The following C2orf42 variants were observed in gnomAD, a reference collection of about 807,000 sequenced individuals.
C2orf42 encodes the protein chromosome 2 open reading frame 42, also known as uncharacterized protein C2orf42.
Under a neutral mutation model 58.9 loss-of-function variants are expected in C2orf42, and 44 were observed. The ratio of observed to expected loss-of-function variants is 0.75; its 90% CI spans 0.59 to 0.96. The LOEUF is 0.96. Among genes scored for constraint, C2orf42 ranks in the 40% least tolerant of loss-of-function variants. The probability of loss-of-function intolerance (pLI) is 0.00; values close to 1 mark genes in which losing one functional copy is unlikely to be tolerated. For synonymous variants in C2orf42, 239 were observed against 265.4 expected (o/e 0.90, Z 0.97); for missense variants, 630 against 699.2 (o/e 0.90, Z 1.12).
At chr2:70,174,752 CCT>C (rs1674073550) in intron 5 of C2orf42, among the ~76,000 whole-genome samples, 1 of 151,078 alleles carries the variant, frequency 6.6e-6, no homozygotes, top group Admixed American at 6.6e-5. Flanking sequence ...CTCACTGCAA[CCT>C]CTGCCTCCCG....
intron 6 of C2orf42, among the ~76,000 whole-genome samples, chr2:70,168,288 T>G (rs1673543432): frequency 7.5e-6 from 1 of 133,280 alleles, no homozygotes; most frequent in African/African-American, 3.3e-5. Flanking sequence ...AGCTATAGGA[T>G]CCTTTTTTTT....
intron 1 of C2orf42, among the ~76,000 whole-genome samples, chr2:70,187,088 A>C (rs1674988883): frequency 6.6e-6 from 1 of 152,120 alleles, no homozygotes; most frequent in Admixed American, 6.6e-5. Context: ...ATGTACCCTA[A>C]AACTTAAAGT....
chr2:70,189,439 C>T (rs560735842), intron 1 of C2orf42, among the ~76,000 whole-genome samples: 3,400 of 140,180 alleles, frequency 0.024, 187 homozygotes, highest in African/African-American at 0.093. Flanking sequence ...AAAAATGGGC[C>T]GGGCGCGGTG....
At chr2:70,168,575 AC>A (rs896268078) in intron 6 of C2orf42, among the ~76,000 whole-genome samples, 27 of 150,912 alleles carry the variant, frequency 1.8e-4, no homozygotes, top group African/African-American at 6.6e-4. Flanking sequence ...GGCATGAGCC[AC>A]CGCACCCGGC....
intron 5 of C2orf42, among the ~76,000 whole-genome samples, chr2:70,171,010 G>A (rs1673774289): frequency 6.6e-6 from 1 of 151,920 alleles, no homozygotes; most frequent in African/African-American, 2.4e-5. Context: ...AGCTACTCGG[G>A]AGGCTGAGGC....
intron 4 of C2orf42, among the ~76,000 whole-genome samples, chr2:70,176,599 T>C (rs1273881396): frequency 1.3e-5 from 2 of 152,174 alleles, no homozygotes; most frequent in African/African-American, 4.8e-5. Flanking sequence ...TTTTCCCAAA[T>C]TCTTTATTAT....
chr2:70,160,686 G>C lies in C2orf42; in HGVS notation c.1455C>G (p.Tyr485Ter), dbSNP rs143487383. 6.2e-7 allele frequency: 1 copy of C among 1,612,946 alleles called. No homozygotes were observed. Among genetic ancestry groups the C allele is most frequent in the Admixed American group, 1.7e-5 (1 of 59,798 alleles). ...GCACTGGTTGTTTTTCTATACGACCGTAGGTTTCTGCTATGCTTTCTACTT... is the reference window on the plus strand; with the variant it reads ...GCACTGGTTGTTTTTCTATACGACCCTAGGTTTCTGCTATGCTTTCTACTT... The part of the protein sequence containing the change: ...KVEVESIAET[Y>*]GRIEKQPVLR... Residue 485 changes from tyrosine to a stop codon, truncating the protein, a stop_gained, in exon 9 of 10, where the codon TAC (tyrosine) becomes TAG (stop). Transcript: ENST00000264434. LOFTEE classifies it high-confidence loss of function.
intron 1 of C2orf42, among the ~76,000 whole-genome samples, chr2:70,185,172 G>A (rs1270674411): frequency 5.3e-5 from 8 of 152,120 alleles, no homozygotes; most frequent in South Asian, 4.1e-4. Context: ...AGGCCGAGGC[G>A]GGTGGAACAC....
intron 1 of C2orf42, among the ~76,000 whole-genome samples, chr2:70,189,711 G>A (rs1340059241): frequency 8.7e-6 from 1 of 115,050 alleles, no homozygotes. Context: ...GCGAGACTCC[G>A]TCTCAAAAAA....
intron 6 of C2orf42, among the ~76,000 whole-genome samples, chr2:70,166,354 A>G (rs1314323413): frequency 6.7e-6 from 1 of 149,094 alleles, no homozygotes; most frequent in African/African-American, 2.5e-5. Flanking sequence ...ACCCTCCCTC[A>G]AAAAGGAAAA....
At chr2:70,163,949 T>C (rs1419400672) in intron 8 of C2orf42, among the ~76,000 whole-genome samples, 1 of 151,330 alleles carries the variant, frequency 6.6e-6, no homozygotes, top group East Asian at 1.9e-4. Flanking sequence ...ATGGGAGGAC[T>C]GCTTGAACCC....
chr2:70,175,023 GT>G (rs1674092141), intron 5 of C2orf42, among the ~76,000 whole-genome samples: 1 of 151,582 alleles, frequency 6.6e-6, no homozygotes, highest in Admixed American at 6.6e-5. Flanking sequence ...TATCTTTATG[GT>G]TTTAGACATA....
intron 9 of C2orf42, among the ~76,000 whole-genome samples, chr2:70,155,627 CA>C (rs1558652255): frequency 6.6e-6 from 1 of 151,410 alleles, no homozygotes; most frequent in Non-Finnish European, 1.5e-5. Context: ...GGTGAAACCC[CA>C]TCTCTACTAA....
chr2:70,188,131 T>G (rs1344897550), intron 1 of C2orf42, among the ~76,000 whole-genome samples: 1 of 152,188 alleles, frequency 6.6e-6, no homozygotes, highest in Non-Finnish European at 1.5e-5. Context: ...TACAACACTA[T>G]TAACTCTACT....
chr2:70,161,883 C>A (rs980034200), intron 8 of C2orf42, among the ~76,000 whole-genome samples: 4 of 151,784 alleles, frequency 2.6e-5, no homozygotes, highest in African/African-American at 4.8e-5. Context: ...ACTTGGTTGC[C>A]CCTGCTGGAG....
At chr2:70,159,988 A>T (rs1220405710) in intron 9 of C2orf42, among the ~76,000 whole-genome samples, 1 of 152,236 alleles carries the variant, frequency 6.6e-6, no homozygotes, top group Non-Finnish European at 1.5e-5. Context: ...AATATTCACA[A>T]GAATTTGACA....
In C2orf42 at chr2:70,150,161, C is replaced by T. The variant is rs930633706; in HGVS notation, c.*195G>A. ...TGCCCAATGCATAATGAAGACTGTA[C>T]ACAGCAGCATCAAAAAGGCTATTTA... On this transcript the variant is annotated 3_prime_UTR_variant, in exon 10 of 10. Coordinates refer to ENST00000264434, the MANE Select transcript of C2orf42 (RefSeq NM_017880.3). The T allele has an allele frequency of 9.9e-6, 6 of 605,080 alleles. No individual in the cohort carries two copies. Among genetic ancestry groups the T allele is most frequent in the African/African-American group, 1.9e-5 (1 of 54,042 alleles). The allele number at this position is 605,080 out of a possible 1,614,324, so 37.5% of individuals were successfully genotyped here.
intron 1 of C2orf42, among the ~76,000 whole-genome samples, chr2:70,187,176 T>C (rs1018479280): frequency 3.3e-5 from 5 of 152,134 alleles, no homozygotes; most frequent in African/African-American, 9.7e-5. Context: ...TTGCCAGCTG[T>C]TGGTGCTGTA....
chr2:70,175,850 G>C, intron 4 of C2orf42, 73 bp from the exon 5 acceptor site: 1 of 945,104 alleles, frequency 1.1e-6, no homozygotes, highest in Non-Finnish European at 1.7e-6. Flanking sequence ...AATTTTTAGA[G>C]TCTAAAACAT....
Sources: gnomAD v4.1 joint callset for allele counts (sites outside exome capture counted in the v4.1 genomes callset) on GRCh38, gnomAD v4.1.1 for gene constraint, MANE v1.5 for transcripts, NCBI Gene and HGNC (gene_info 2026-07-23, HGNC 2026-07-21) for gene names.